Variants in VRK2 observed in about 807,000 individuals in gnomAD.
VRK2 encodes VRK serine/threonine kinase 2.
Under a neutral mutation model 57.6 loss-of-function variants are expected in VRK2, and 60 were observed. The ratio of observed to expected loss-of-function variants is 1.04; its 90% CI spans 0.85 to 1.29. The LOEUF (loss-of-function observed/expected upper bound fraction) is 1.29, where lower values mean the gene tolerates loss of function less well. VRK2 is among the 50% of genes most tolerant of loss of function. The pLI, the probability that VRK2 is intolerant of heterozygous loss-of-function variation, is 0.00. For synonymous variants in VRK2, 231 were observed against 199.2 expected (o/e 1.16, Z -1.35); for missense variants, 705 against 588.1 (o/e 1.20, Z -2.06).
chr2:58,031,728 C>T (rs1051448632), intron 2 of VRK2, among the ~76,000 whole-genome samples: 2 of 152,030 alleles, frequency 1.3e-5, no homozygotes, highest in African/African-American at 4.8e-5. Flanking sequence ...GGCTTTTGTT[C>T]TCATAGCTAC....
chr2:58,055,903 G>A (rs147933892), intron 2 of VRK2, among the ~76,000 whole-genome samples: 1 of 152,304 alleles, frequency 6.6e-6, no homozygotes, highest in African/African-American at 2.4e-5. Flanking sequence ...TAAAAACTTA[G>A]TTAACCAAAA....
intron 1 of VRK2, among the ~76,000 whole-genome samples, chr2:57,963,924 G>C (rs1671834319): frequency 6.6e-6 from 1 of 152,154 alleles, no homozygotes; most frequent in Non-Finnish European, 1.5e-5. Flanking sequence ...ATAGTCTTTA[G>C]TGCTCCAGGA....
At chr2:57,949,643 A>T (rs182871292) in intron 1 of VRK2, among the ~76,000 whole-genome samples, 1 of 152,168 alleles carries the variant, frequency 6.6e-6, no homozygotes, top group Non-Finnish European at 1.5e-5. Flanking sequence ...AATTATGCCA[A>T]TTAATAACCC....
At chr2:58,073,809 T>G (rs1236961213) in intron 2 of VRK2, among the ~76,000 whole-genome samples, 1 of 151,904 alleles carries the variant, frequency 6.6e-6, no homozygotes, top group Admixed American at 6.6e-5. Context: ...AGTTGGATGT[T>G]CGAGGGCAGG....
chr2:57,985,121 T>C (rs1257095212), intron 1 of VRK2, among the ~76,000 whole-genome samples: 3 of 151,940 alleles, frequency 2.0e-5, no homozygotes, highest in Non-Finnish European at 2.9e-5. Context: ...ATGGATAGAG[T>C]GATAAATAGA....
intron 2 of VRK2, among the ~76,000 whole-genome samples, chr2:58,060,918 G>A (rs536750673): frequency 5.7e-4 from 86 of 151,944 alleles, no homozygotes; most frequent in African/African-American, 2.0e-3. Context: ...TCTCTTAGGA[G>A]GTAGAAGGAA....
chr2:57,936,531 G>GTTTTT (rs539088139), intron 1 of VRK2, among the ~76,000 whole-genome samples: 1 of 134,958 alleles, frequency 7.4e-6, no homozygotes, highest in Non-Finnish European at 1.6e-5. Flanking sequence ...TTGTTTTTTT[G>GTTTTT]TTTTTTTTTT....
intron 1 of VRK2, among the ~76,000 whole-genome samples, chr2:57,925,360 T>C (rs1558496020): frequency 6.6e-6 from 1 of 152,084 alleles, no homozygotes; most frequent in Non-Finnish European, 1.5e-5. Flanking sequence ...CATTTTATTA[T>C]GGCTTCAATT....
intron 7 of VRK2, among the ~76,000 whole-genome samples, chr2:58,100,050 A>G (rs553271258): frequency 6.6e-6 from 1 of 152,164 alleles, no homozygotes; most frequent in East Asian, 1.9e-4. Context: ...GTGATCTGGA[A>G]GAAGGAGTTG....
intron 1 of VRK2, among the ~76,000 whole-genome samples, chr2:57,992,102 T>A (rs987309973): frequency 2.0e-5 from 3 of 152,162 alleles, no homozygotes; most frequent in African/African-American, 7.2e-5. Context: ...AATAGATAGT[T>A]GTATAATCCT....
chr2:57,919,159 G>A (rs949134786), intron 1 of VRK2, among the ~76,000 whole-genome samples: 18 of 152,046 alleles, frequency 1.2e-4, no homozygotes, highest in African/African-American at 4.3e-4. Flanking sequence ...GGCAGACTCT[G>A]CCCAAAGAGG....
intron 11 of VRK2, among the ~76,000 whole-genome samples, chr2:58,140,608 G>A (rs535961304): frequency 5.9e-5 from 9 of 152,034 alleles, no homozygotes; most frequent in South Asian, 4.1e-4. Flanking sequence ...ATCATCACAC[G>A]TGTTCATGAG....
At chr2:58,068,759 G>T (rs1393929519) in intron 2 of VRK2, among the ~76,000 whole-genome samples, 2 of 143,136 alleles carry the variant, frequency 1.4e-5, no homozygotes, top group African/African-American at 5.1e-5. Flanking sequence ...CTATCATCAA[G>T]TTCAGTGACT....
At chr2:58,111,351 T>A (rs545878399) in intron 7 of VRK2, among the ~76,000 whole-genome samples, 27 of 151,946 alleles carry the variant, frequency 1.8e-4, no homozygotes, top group Non-Finnish European at 3.4e-4. Flanking sequence ...AATAGAAAAA[T>A]CTCTGTGTCA....
At chr2:57,925,217 C>G (rs1227562534) in intron 1 of VRK2, among the ~76,000 whole-genome samples, 2 of 151,768 alleles carry the variant, frequency 1.3e-5, no homozygotes, top group African/African-American at 4.8e-5. Context: ...TAATACTGGC[C>G]TTGTAGATGT....
At chr2:58,021,495 C>T (rs1673754459) in intron 1 of VRK2, among the ~76,000 whole-genome samples, 1 of 152,128 alleles carries the variant, frequency 6.6e-6, no homozygotes, top group Admixed American at 6.5e-5. Flanking sequence ...TATTTATTGT[C>T]TCCAAGATAC....
chr2:57,929,100 G>A (rs954060766), intron 1 of VRK2, among the ~76,000 whole-genome samples: 1 of 152,142 alleles, frequency 6.6e-6, no homozygotes, highest in Non-Finnish European at 1.5e-5. Flanking sequence ...TCTACAATCC[G>A]CAGGTAGCAA....
intron 3 of VRK2, among the ~76,000 whole-genome samples, chr2:58,034,189 C>G (rs971981827): frequency 6.6e-6 from 1 of 151,940 alleles, no homozygotes; most frequent in Non-Finnish European, 1.5e-5. Context: ...AGGAAAAAGT[C>G]AAAAATACTT....
rs139807818 is a variant in VRK2, at chr2:58,126,690, T to C, written c.676+3457T>C. ...ACAGGTATTTTGTAAGTGGCTAAAG[T>C]GCATCATTTAGTATAAAATTAGAGT... On this transcript the variant is annotated intron_variant, in intron 8 of 12. Transcript: ENST00000340157. Among the ~76,000 whole-genome samples, 13 of 152,232 alleles carry C rather than the reference T, an allele frequency of 8.5e-5. No individual in the cohort carries two copies. In the East Asian group the frequency reaches 2.5e-3, roughly 29 times the overall value.
Sources: gnomAD v4.1 joint callset for allele counts (sites outside exome capture counted in the v4.1 genomes callset) on GRCh38, gnomAD v4.1.1 for gene constraint, MANE v1.5 for transcripts, NCBI Gene and HGNC (gene_info 2026-07-23, HGNC 2026-07-21) for gene names.